Variants in ZNF362 observed in about 807,000 individuals in gnomAD.
ZNF362 encodes the protein zinc finger protein 362, also known as rotund homolog.
ZNF362 carries 11 observed loss-of-function variants against 42.9 expected under a neutral mutation model. The observed-to-expected ratio is 0.26, with a 90% confidence interval of 0.16 to 0.42. The LOEUF is 0.42. Among genes scored for constraint, ZNF362 ranks in the 20% least tolerant of loss-of-function variants. The probability of loss-of-function intolerance (pLI) is 1.00; values close to 1 mark genes in which losing one functional copy is unlikely to be tolerated. For missense variants in ZNF362, 362 were observed against 576.2 expected (o/e 0.63, Z 3.81); for synonymous variants, 255 against 257.3 (o/e 0.99, Z 0.09).
the ZNF362 span, chr1:33,159,881 G>A: frequency 3.1e-6 from 5 of 1,611,672 alleles, no homozygotes; most frequent in African/African-American, 1.3e-5. This position sits in a 1 kb window ranked among gnomAD's most constrained non-coding sequence, Gnocchi z 4.2. Context: ...TGGCGTTCAC[G>A]CAGCAGCCGG....
chr1:33,191,880 G>A, the ZNF362 span, among the ~76,000 whole-genome samples: 6 of 152,182 alleles, frequency 3.9e-5, no homozygotes, highest in Admixed American at 1.3e-4. Context: ...CCTAGAAGAC[G>A]CAAGAGAATG....
At chr1:33,131,690 T>C in the ZNF362 span, among the ~76,000 whole-genome samples, 12 of 152,098 alleles carry the variant, frequency 7.9e-5, no homozygotes, top group Admixed American at 2.0e-4. Context: ...GTGAAATTAA[T>C]TTAAATAATA....
At chr1:33,182,412 A>G in the ZNF362 span, among the ~76,000 whole-genome samples, 1 of 152,282 alleles carries the variant, frequency 6.6e-6, no homozygotes, top group East Asian at 1.9e-4. Context: ...TGCATAAAAT[A>G]TAAAGATAAA....
chr1:33,230,709 A>G, the ZNF362 span, among the ~76,000 whole-genome samples: 24 of 152,376 alleles, frequency 1.6e-4, no homozygotes, highest in East Asian at 4.4e-3. Flanking sequence ...AGCTGGAAGC[A>G]GCCTGGAAGC....
At chr1:33,174,905 G>GTATA in the ZNF362 span, among the ~76,000 whole-genome samples, 5 of 147,434 alleles carry the variant, frequency 3.4e-5, no homozygotes, top group African/African-American at 1.3e-4. Context: ...GTGTGTGTGT[G>GTATA]TATATATATA....
the ZNF362 span, among the ~76,000 whole-genome samples, chr1:33,186,143 G>A: frequency 3.9e-5 from 6 of 152,130 alleles, no homozygotes; most frequent in Admixed American, 6.5e-5. Flanking sequence ...TATGTGCAGT[G>A]GTGAAAATCT....
intron 8 of ZNF362, among the ~76,000 whole-genome samples, chr1:33,298,088 A>C (rs1646138261): frequency 6.6e-6 from 1 of 152,164 alleles, no homozygotes; most frequent in African/African-American, 2.4e-5. Context: ...TGCTTCTGGC[A>C]AAGGCGATTG....
the ZNF362 span, among the ~76,000 whole-genome samples, chr1:33,242,678 G>A: frequency 1.3e-5 from 2 of 152,104 alleles, no homozygotes; most frequent in African/African-American, 4.8e-5. Context: ...ATGGAGGTGG[G>A]TTGAGAAGTG....
At chr1:33,233,434 C>T in the ZNF362 span, among the ~76,000 whole-genome samples, 6 of 150,942 alleles carry the variant, frequency 4.0e-5, no homozygotes, top group East Asian at 1.9e-4. Flanking sequence ...AACAGAGTCT[C>T]GCTCTGTCGC....
intron 4 of ZNF362, among the ~76,000 whole-genome samples, chr1:33,279,868 G>A (rs1042935964): frequency 6.6e-6 from 1 of 152,000 alleles, no homozygotes; most frequent in African/African-American, 2.4e-5. Context: ...TAAATAAGAC[G>A]GCAGTGAACT....
At chr1:33,132,417 A>T in the ZNF362 span, among the ~76,000 whole-genome samples, 2 of 152,176 alleles carry the variant, frequency 1.3e-5, no homozygotes, top group African/African-American at 4.8e-5. Flanking sequence ...TTTCAGTGAA[A>T]CTTCATTTCC....
chr1:33,162,634 C>T, the ZNF362 span, among the ~76,000 whole-genome samples: 3 of 152,108 alleles, frequency 2.0e-5, no homozygotes, highest in African/African-American at 7.2e-5. Context: ...GGTGCAGGCT[C>T]CAGCTTCTTT....
chr1:33,259,477 C>G (rs1012591654), intron 1 of ZNF362, among the ~76,000 whole-genome samples: 10 of 152,336 alleles, frequency 6.6e-5, no homozygotes, highest in African/African-American at 2.4e-4. Flanking sequence ...ACTTTCCTGT[C>G]TTATCTCTCT....
chr1:33,145,203 C>T, the ZNF362 span, among the ~76,000 whole-genome samples: 143 of 152,316 alleles, frequency 9.4e-4, 1 homozygote, highest in East Asian at 0.025. Context: ...TGTGGTGTGG[C>T]ACTTGCCAGC....
At chr1:33,228,512 A>G in the ZNF362 span, among the ~76,000 whole-genome samples, 1 of 152,004 alleles carries the variant, frequency 6.6e-6, no homozygotes, top group Non-Finnish European at 1.5e-5. Flanking sequence ...CCTTCCACAA[A>G]TCTGGTTCTC....
At chr1:33,158,241 C>T in the ZNF362 span, 1 of 1,612,150 alleles carries the variant, frequency 6.2e-7, no homozygotes, top group Admixed American at 1.7e-5. Context: ...ACCATGATAA[C>T]CCATGCCTTA....
rs1645887673 is a variant in ZNF362, at chr1:33,269,630, G to A, written c.-88-857G>A. ...TGGCTCACTGCAGCCTCAAACTCCT[G>A]GGCTCAAGCGATTCTCCTGCCTCAG... On this transcript the variant is annotated intron_variant, in intron 1 of 8. Transcript: ENST00000539719. Among the ~76,000 whole-genome samples, 3 of 152,260 alleles carry A rather than the reference G, an allele frequency of 2.0e-5. No homozygotes were observed. In the South Asian group the frequency reaches 6.2e-4, roughly 32 times the overall value.
chr1:33,148,866 G>A, the ZNF362 span, among the ~76,000 whole-genome samples: 1 of 152,204 alleles, frequency 6.6e-6, no homozygotes, highest in Non-Finnish European at 1.5e-5. Context: ...ACCCAGAGGG[G>A]AGACATGACA....
intron 1 of ZNF362, among the ~76,000 whole-genome samples, chr1:33,258,801 C>A (rs1305554767): frequency 6.6e-6 from 1 of 152,168 alleles, no homozygotes; most frequent in Non-Finnish European, 1.5e-5. Context: ...GTGATTATCA[C>A]ATCAGGTTCT....
Sources: gnomAD v4.1 joint callset for allele counts (sites outside exome capture counted in the v4.1 genomes callset) on GRCh38, gnomAD v4.1.1 for gene constraint, Gnocchi (gnomAD v3.1) non-coding constraint, MANE v1.5 for transcripts, NCBI Gene and HGNC (gene_info 2026-07-23, HGNC 2026-07-21) for gene names.